Variants in RANBP2 observed in about 807,000 individuals in gnomAD.
RANBP2 encodes E3 SUMO-protein ligase RanBP2.
A neutral mutation model predicts 303.6 loss-of-function variants in RANBP2; 57 were observed. The ratio of observed to expected loss-of-function variants is 0.19; its 90% CI spans 0.15 to 0.23. RANBP2 has a LOEUF of 0.23. Ranked by LOEUF, RANBP2 falls within the 10% of genes least tolerant of loss-of-function variation. RANBP2 has a pLI of 1.00. For synonymous variants in RANBP2, 1,167 were observed against 1,301.5 expected (o/e 0.90, Z 2.23); for missense variants, 3,138 against 3,780.8 (o/e 0.83, Z 4.46).
In RANBP2 at chr2:108,731,368, T is replaced by C; in HGVS notation, c.299T>C (p.Ile100Thr). 9 of 1,611,550 alleles carry C rather than the reference T, an allele frequency of 5.6e-6. No homozygotes were observed. The highest frequency in any genetic ancestry group is 7.6e-6 in the Non-Finnish European group (9 of 1,179,586). ...ACACAAAAAGATCTTGTGTTGAAGA[T>C]TGCAGAATTGCTTTGTAAAAATGAT... ...NPTQKDLVLK[I>T]AELLCKNDVT... The change falls in exon 4 of 29, where the codon ATT (isoleucine) becomes ACT (threonine). Residue 100 changes from isoleucine to threonine, a missense_variant. By Grantham distance (89) the Ile-to-Thr change is moderately conservative. Coordinates refer to ENST00000283195, the MANE Select transcript of RANBP2 (RefSeq NM_006267.5).
chr2:109,615,542 C>G, the RANBP2 span: 1 of 1,613,948 alleles, frequency 6.2e-7, no homozygotes. Flanking sequence ...CAGCCATGCA[C>G]GGCCACGTGG....
chr2:109,234,542 G>A, the RANBP2 span, among the ~76,000 whole-genome samples: 1 of 152,218 alleles, frequency 6.6e-6, no homozygotes, highest in Non-Finnish European at 1.5e-5. Flanking sequence ...TATTGGTCAG[G>A]ATAGGCTCTG....
At chr2:108,853,981 ATAATATATAATAAATTTATATTATATAT>A in the RANBP2 span, among the ~76,000 whole-genome samples, 8,340 of 26,824 alleles carry the variant, frequency 0.31, 393 homozygotes, top group South Asian at 0.42. Flanking sequence ...TATATAATAT[ATAATATATAATAAATTTATATTATATAT>A]AATATATAAT....
the RANBP2 span, among the ~76,000 whole-genome samples, chr2:109,362,798 T>A: frequency 6.6e-6 from 1 of 152,186 alleles, no homozygotes; most frequent in Non-Finnish European, 1.5e-5. Context: ...CTTGGGGAAT[T>A]GACCCCTTCG....
At position 108,784,292 on chromosome 2, in the gene RANBP2, G is replaced by T; in HGVS notation, c.*391G>T. The T allele has an allele frequency of 5.7e-6, 1 of 175,954 alleles. No individual in the cohort carries two copies. Among genetic ancestry groups the T allele is most frequent in the Admixed American group, 5.6e-5 (1 of 17,986 alleles). The allele number at this position is 175,954 out of a possible 1,614,324, so 10.9% of individuals were successfully genotyped here. On this transcript the variant is annotated 3_prime_UTR_variant, in exon 29 of 29. Transcript: ENST00000283195. The stretch of plus-strand genomic sequence containing the variant: ...CATTTGAATAAAGGGACCACAACTT[G>T]GATAATTTAATTTTAGGTTTGAAAT...
At chr2:109,132,330 A>C in the RANBP2 span, among the ~76,000 whole-genome samples, 1 of 152,326 alleles carries the variant, frequency 6.6e-6, no homozygotes, top group African/African-American at 2.4e-5. Flanking sequence ...ATATTTTGAC[A>C]GCTTTATTTA....
At chr2:108,729,717 CT>C (rs34977300) in intron 2 of RANBP2, among the ~76,000 whole-genome samples, 3,119 of 135,162 alleles carry the variant, frequency 0.023, 60 homozygotes, top group African/African-American at 0.054. Context: ...GGGAGTCAGG[CT>C]TTTTTTTTTT....
Position 108,755,041 on chromosome 2 carries a change from C to T in RANBP2, c.2339C>T (p.Pro780Leu), listed in dbSNP as rs61758802. ...NADSEIKHST[P>L]SPTRYSLSPS... ...GATTCAGAAATAAAACATTCTACAC[C>T]GTCTCCTACCAGATATTCACTATCA... The change falls in exon 16 of 29, where the codon CCG becomes CTG. Residue 780 changes from proline (P) to leucine (L), a missense_variant. By Grantham distance (98) the Pro-to-Leu change is moderately conservative (BLOSUM62 -3). Around this residue, in one of 20 missense-constraint regions of RANBP2, gnomAD observed 194 missense variants for 197.4 expected, o/e 0.98. Transcript: ENST00000283195. 11,252 of 1,611,786 alleles carry T rather than the reference C, an allele frequency of 7.0e-3. 88 individuals are homozygous for T. The highest frequency in any genetic ancestry group is 0.033 in the East Asian group (1,477 of 44,850).
At chr2:109,097,897 T>C in the RANBP2 span, among the ~76,000 whole-genome samples, 1 of 152,134 alleles carries the variant, frequency 6.6e-6, no homozygotes, top group East Asian at 1.9e-4. Flanking sequence ...CCAGCATGTC[T>C]TCCTGTCTCA....
the RANBP2 span, among the ~76,000 whole-genome samples, chr2:109,081,097 C>T: frequency 5.3e-5 from 8 of 152,180 alleles, no homozygotes; most frequent in East Asian, 1.9e-4. Context: ...CACTGGACTT[C>T]GAAGACTAAA....
At chr2:109,649,651 G>A in the RANBP2 span, among the ~76,000 whole-genome samples, 1 of 152,102 alleles carries the variant, frequency 6.6e-6, no homozygotes, top group Non-Finnish European at 1.5e-5. Flanking sequence ...GCCTTCCTCG[G>A]CCTGCCAAAG....
the RANBP2 span, among the ~76,000 whole-genome samples, chr2:108,996,092 T>G: frequency 2.0e-5 from 3 of 152,204 alleles, no homozygotes; most frequent in Non-Finnish European, 2.9e-5. Context: ...GTATCATTCA[T>G]AGTATAAAAT....
the RANBP2 span, among the ~76,000 whole-genome samples, chr2:109,303,482 A>C: frequency 6.6e-6 from 1 of 152,226 alleles, no homozygotes; most frequent in Non-Finnish European, 1.5e-5. Context: ...AAACTTTTTA[A>C]GTGAAAATAT....
chr2:108,909,320 C>T, the RANBP2 span, among the ~76,000 whole-genome samples: 1 of 152,092 alleles, frequency 6.6e-6, no homozygotes, highest in Admixed American at 6.5e-5. Context: ...TCTAGGGAGG[C>T]CCTATTTAAG....
At chr2:109,187,327 C>T in the RANBP2 span, among the ~76,000 whole-genome samples, 1 of 150,740 alleles carries the variant, frequency 6.6e-6, no homozygotes, top group African/African-American at 2.4e-5. Flanking sequence ...ATTAGGAAAG[C>T]TCTTTTCTCC....
the RANBP2 span, among the ~76,000 whole-genome samples, chr2:109,307,343 T>G: frequency 7.9e-5 from 12 of 152,146 alleles, no homozygotes; most frequent in Middle Eastern, 6.8e-3. Context: ...TGGCCAGAAG[T>G]TAGGAGGGGA....
the RANBP2 span, among the ~76,000 whole-genome samples, chr2:109,289,093 A>G: frequency 6.6e-6 from 1 of 152,210 alleles, no homozygotes; most frequent in East Asian, 1.9e-4. Context: ...AGCTGGCGTT[A>G]TAAAGCTGAA....
chr2:109,399,453 T>G, the RANBP2 span, among the ~76,000 whole-genome samples: 1 of 152,108 alleles, frequency 6.6e-6, no homozygotes, highest in East Asian at 1.9e-4. Context: ...CACTAGTTTT[T>G]TTTTTTTGTA....
the RANBP2 span, among the ~76,000 whole-genome samples, chr2:109,280,305 A>G: frequency 6.6e-6 from 1 of 152,206 alleles, no homozygotes; most frequent in African/African-American, 2.4e-5. Context: ...TTTTACATGC[A>G]AGGAAACTGA....
Sources: allele counts gnomAD v4.1 joint callset (sites outside exome capture counted in the v4.1 genomes callset), GRCh38; gene constraint gnomAD v4.1.1; regional missense constraint gnomAD v4.1.1; transcripts MANE v1.5; gene names NCBI Gene and HGNC (gene_info 2026-07-23, HGNC 2026-07-21).